Variants in FHIT observed in about 807,000 individuals in gnomAD.
The protein encoded by FHIT is fragile histidine triad diadenosine triphosphatase.
Under a neutral mutation model 17.9 loss-of-function variants are expected in FHIT, and 19 were observed. That is an observed-to-expected ratio of 1.06 (90% CI 0.74 to 1.56). The LOEUF (loss-of-function observed/expected upper bound fraction) is 1.56, where lower values mean the gene tolerates loss of function less well. FHIT is among the 40% of genes most tolerant of loss of function. FHIT has a pLI of 0.00. For synonymous variants in FHIT, 81 were observed against 69.7 expected (o/e 1.16, Z -0.81); for missense variants, 248 against 189.2 (o/e 1.31, Z -1.82).
At chr3:61,173,172 C>T (rs1034104261) in intron 2 of FHIT, among the ~76,000 whole-genome samples, 17 of 152,076 alleles carry the variant, frequency 1.1e-4, no homozygotes, top group African/African-American at 1.4e-4. Flanking sequence ...ACATGTGCAG[C>T]TAGATGTAAC....
At chr3:61,212,567 G>A (rs945776908) in intron 1 of FHIT, among the ~76,000 whole-genome samples, 2 of 152,300 alleles carry the variant, frequency 1.3e-5, no homozygotes, top group Non-Finnish European at 2.9e-5. Context: ...AACCAAGTTG[G>A]AAAACACTCT....
chr3:60,146,237 A>G (rs1004566565), intron 5 of FHIT, among the ~76,000 whole-genome samples: 2 of 103,070 alleles, frequency 1.9e-5, no homozygotes, highest in East Asian at 2.9e-4. Flanking sequence ...AACATTTAAC[A>G]ATATACTCAT....
At chr3:61,066,344 T>G (rs1284939863) in intron 2 of FHIT, among the ~76,000 whole-genome samples, 1 of 152,164 alleles carries the variant, frequency 6.6e-6, no homozygotes, top group East Asian at 1.9e-4. Context: ...CCGGGCATGG[T>G]GGCTCACACC....
At chr3:60,448,289 A>C (rs375126490) in intron 5 of FHIT, among the ~76,000 whole-genome samples, 1 of 152,288 alleles carries the variant, frequency 6.6e-6, no homozygotes, top group East Asian at 1.9e-4. Context: ...TAACCAATTA[A>C]TTGGTTTTCA....
At chr3:61,204,162 G>T (rs2039127643) in intron 1 of FHIT, among the ~76,000 whole-genome samples, 3 of 152,194 alleles carry the variant, frequency 2.0e-5, no homozygotes, top group South Asian at 4.1e-4. Flanking sequence ...TGTTGTTTTT[G>T]AATATAAAGT....
chr3:60,249,173 C>A (rs758481194), intron 5 of FHIT, among the ~76,000 whole-genome samples: 1 of 152,070 alleles, frequency 6.6e-6, no homozygotes. Flanking sequence ...AAAACTCTAA[C>A]AAGGCAGGGG....
chr3:60,122,534 A>G (rs1705307991), intron 5 of FHIT, among the ~76,000 whole-genome samples: 2 of 152,196 alleles, frequency 1.3e-5, no homozygotes, highest in South Asian at 4.1e-4. Context: ...GTGTCTAGCC[A>G]CAAGAACAGA....
chr3:60,592,949 G>A (rs1047187572), intron 4 of FHIT, among the ~76,000 whole-genome samples: 7 of 152,202 alleles, frequency 4.6e-5, no homozygotes, highest in Middle Eastern at 3.4e-3. Flanking sequence ...TATAGCAAAG[G>A]TCCCAGTGGC....
intron 4 of FHIT, among the ~76,000 whole-genome samples, chr3:60,660,966 A>G (rs1440510418): frequency 6.6e-6 from 1 of 151,866 alleles, no homozygotes; most frequent in Non-Finnish European, 1.5e-5. Flanking sequence ...CAAAAGTTTT[A>G]ATGTTGATGA....
chr3:61,181,126 G>A (rs1335126013), intron 2 of FHIT, among the ~76,000 whole-genome samples: 3 of 152,144 alleles, frequency 2.0e-5, no homozygotes, highest in African/African-American at 7.2e-5. Context: ...TTGGGGACAT[G>A]AGAAGCCTAA....
chr3:60,360,511 T>C (rs1699863318), intron 5 of FHIT, among the ~76,000 whole-genome samples: 1 of 152,174 alleles, frequency 6.6e-6, no homozygotes, highest in Non-Finnish European at 1.5e-5. Context: ...CCCTGGGTTT[T>C]AATTCTGTCT....
intron 7 of FHIT, among the ~76,000 whole-genome samples, chr3:60,009,135 T>G (rs992230832): frequency 4.7e-5 from 7 of 150,166 alleles, no homozygotes; most frequent in African/African-American, 1.7e-4. Flanking sequence ...AAAGGACAGC[T>G]TTGGAACCTT....
intron 2 of FHIT, among the ~76,000 whole-genome samples, chr3:61,057,737 A>G (rs2034277400): frequency 1.3e-5 from 2 of 152,222 alleles, no homozygotes; most frequent in South Asian, 4.1e-4. Flanking sequence ...CTCGGGTGGC[A>G]GATTAAACAC....
rs1311026822 is a variant in FHIT at position 60,024,247 on chromosome 3, A to G, written c.104-10095T>C. On this transcript the variant is annotated intron_variant, in intron 5 of 9. Transcript: ENST00000492590. ...TTAATAGAAACATCCTTTATTTCAA[A>G]TAAATGAAAGAGAGTCACACTTAAC... Among the ~76,000 whole-genome samples the G allele has an allele frequency of 2.0e-5, 3 of 152,134 alleles. No individual in the cohort carries two copies. In the East Asian group the frequency reaches 5.8e-4, roughly 29 times the overall value.
chr3:60,404,935 A>T (rs1452312354), intron 5 of FHIT, among the ~76,000 whole-genome samples: 1 of 152,146 alleles, frequency 6.6e-6, no homozygotes, highest in Non-Finnish European at 1.5e-5. Flanking sequence ...TAAAAGAAGG[A>T]TGTCCAGGTT....
At chr3:59,999,773 A>G (rs1699657023) in intron 7 of FHIT, among the ~76,000 whole-genome samples, 1 of 151,958 alleles carries the variant, frequency 6.6e-6, no homozygotes, top group Non-Finnish European at 1.5e-5. Context: ...ACACCTGGCT[A>G]ATTTTTGTAG....
At position 60,176,370 on chromosome 3, in the gene FHIT, A is replaced by G. The variant is rs1000850090; in HGVS notation, c.104-162218T>C. ...CCATCTCAAAACAACAACAACAACA[A>G]CAAAAGCCACATACTAGTAGCTACT... On this transcript the variant is annotated intron_variant, in intron 5 of 9. Transcript: ENST00000492590. 3.9e-5 allele frequency among the ~76,000 whole-genome samples: 6 copies of G among 152,264 alleles called. No individual in the cohort carries two copies. In the East Asian group the frequency reaches 1.2e-3, roughly 29 times the overall value.
At chr3:60,004,286 T>C (rs571809526) in intron 7 of FHIT, among the ~76,000 whole-genome samples, 136 of 152,238 alleles carry the variant, frequency 8.9e-4, no homozygotes, top group African/African-American at 3.0e-3. Flanking sequence ...ATGTCCCTAC[T>C]ATATGTGCCA....
chr3:61,245,095 C>T (rs1050995104), intron 1 of FHIT, among the ~76,000 whole-genome samples: 3 of 152,154 alleles, frequency 2.0e-5, no homozygotes, highest in African/African-American at 7.2e-5. Context: ...TAAAGGTTAT[C>T]TAAGTCCTCT....
Sources: allele counts gnomAD v4.1 joint callset (sites outside exome capture counted in the v4.1 genomes callset), GRCh38; gene constraint gnomAD v4.1.1; transcripts MANE v1.5; gene names NCBI Gene and HGNC (gene_info 2026-07-23, HGNC 2026-07-21).